The following IQCM variants were observed in gnomAD, a reference collection of about 807,000 sequenced individuals.
The protein encoded by IQCM is IQ domain-containing protein M.
In IQCM, 45 loss-of-function variants were observed where a neutral mutation model predicts 57.6. The ratio of observed to expected loss-of-function variants is 0.78; its 90% CI spans 0.62 to 1.00. The LOEUF (loss-of-function observed/expected upper bound fraction) is 1.00, where lower values mean the gene tolerates loss of function less well. IQCM is among the 50% of genes least tolerant of loss of function. The probability of loss-of-function intolerance (pLI) is 0.00; values close to 1 mark genes in which losing one functional copy is unlikely to be tolerated. For synonymous variants in IQCM, 148 were observed against 158.9 expected, an observed-to-expected ratio of 0.93 and a Z score of 0.51; for missense variants, 468 against 511.6, an observed-to-expected ratio of 0.91 and a Z score of 0.82.
chr4:149,785,677 T>C (rs915166273), intron 2 of IQCM, among the ~76,000 whole-genome samples: 11 of 152,156 alleles, frequency 7.2e-5, no homozygotes, highest in Non-Finnish European at 1.2e-4. Context: ...TCATAATAAT[T>C]TTTCTAACCT....
At chr4:149,524,954 A>C (rs1209797630) in intron 12 of IQCM, among the ~76,000 whole-genome samples, 1 of 151,870 alleles carries the variant, frequency 6.6e-6, no homozygotes, top group Admixed American at 6.6e-5. Flanking sequence ...TACCACTATT[A>C]ATCAAAAAAA....
intron 9 of IQCM, among the ~76,000 whole-genome samples, chr4:149,576,053 T>C (rs914924831): frequency 6.6e-6 from 1 of 151,844 alleles, no homozygotes; most frequent in Admixed American, 6.6e-5. Context: ...CACTACTTAT[T>C]ATAAATTAAG....
At chr4:149,602,427 G>C (rs777039121) in intron 8 of IQCM, among the ~76,000 whole-genome samples, 6 of 152,000 alleles carry the variant, frequency 3.9e-5, no homozygotes, top group Non-Finnish European at 8.8e-5. Flanking sequence ...TTTCTGGTTT[G>C]TTTGCGTTTA....
intron 12 of IQCM, among the ~76,000 whole-genome samples, chr4:149,480,359 A>G (rs1054806609): frequency 6.6e-6 from 1 of 151,810 alleles, no homozygotes; most frequent in African/African-American, 2.4e-5. Context: ...GGTCTTATTT[A>G]TTTTTTCTTT....
intron 2 of IQCM, among the ~76,000 whole-genome samples, chr4:149,785,336 C>A (rs1875750): frequency 0.2 from 30,673 of 151,930 alleles, 3,292 homozygotes; most frequent in African/African-American, 0.27. Flanking sequence ...TAATTTTTAC[C>A]CTAGCTTTAT....
At chr4:149,761,631 C>A (rs947985322) in intron 2 of IQCM, among the ~76,000 whole-genome samples, 3 of 151,950 alleles carry the variant, frequency 2.0e-5, no homozygotes, top group Non-Finnish European at 2.9e-5. Context: ...TGTTATATCC[C>A]CCACTATACT....
intron 12 of IQCM, among the ~76,000 whole-genome samples, chr4:149,463,969 A>G (rs964431497): frequency 1.3e-5 from 2 of 152,224 alleles, no homozygotes; most frequent in African/African-American, 4.8e-5. Context: ...GTTTTGAATC[A>G]TGCTATTTTG....
chr4:149,380,197 G>T (rs1398126744), intron 13 of IQCM, among the ~76,000 whole-genome samples: 1 of 151,906 alleles, frequency 6.6e-6, no homozygotes, highest in Non-Finnish European at 1.5e-5. Flanking sequence ...GGACTAAGAA[G>T]ATCATGCATA....
chr4:149,432,982 T>C (rs938227423), intron 13 of IQCM, among the ~76,000 whole-genome samples: 1 of 152,034 alleles, frequency 6.6e-6, no homozygotes, highest in African/African-American at 2.4e-5. Context: ...CAACTGTTGA[T>C]AGAGCTGTGG....
At chr4:149,728,991 T>C (rs1420045190) in intron 5 of IQCM, among the ~76,000 whole-genome samples, 1 of 152,120 alleles carries the variant, frequency 6.6e-6, no homozygotes, top group Non-Finnish European at 1.5e-5. Context: ...CCAAAGCATA[T>C]AGCATACAGT....
At chr4:149,811,658 G>C (rs1343940958) in intron 2 of IQCM, among the ~76,000 whole-genome samples, 1 of 152,052 alleles carries the variant, frequency 6.6e-6, no homozygotes, top group Non-Finnish European at 1.5e-5. Context: ...CTGCCTTTTG[G>C]ATGACAATAG....
At chr4:149,353,851 G>C (rs1578760419) in intron 13 of IQCM, among the ~76,000 whole-genome samples, 1 of 152,224 alleles carries the variant, frequency 6.6e-6, no homozygotes, top group South Asian at 2.1e-4. Context: ...CAGGTCTAGA[G>C]ACCTAATGCT....
intron 5 of IQCM, among the ~76,000 whole-genome samples, chr4:149,707,458 G>T (rs1388450844): frequency 1.3e-5 from 2 of 151,994 alleles, no homozygotes; most frequent in Non-Finnish European, 1.5e-5. Context: ...TACTGGGTCT[G>T]CCACGAATGT....
chr4:149,365,139 T>C (rs1414505437), intron 13 of IQCM, among the ~76,000 whole-genome samples: 1 of 152,082 alleles, frequency 6.6e-6, no homozygotes, highest in Non-Finnish European at 1.5e-5. Flanking sequence ...CATGATTCCT[T>C]GGATAAATAG....
chr4:149,683,553 G>A (rs1476128515), intron 6 of IQCM, among the ~76,000 whole-genome samples: 2 of 151,244 alleles, frequency 1.3e-5, no homozygotes, highest in Non-Finnish European at 3.0e-5. Context: ...GTTGTATCAA[G>A]AGAAAATAGA....
chr4:149,698,451 A>T (rs751060074), intron 5 of IQCM, among the ~76,000 whole-genome samples: 1 of 152,146 alleles, frequency 6.6e-6, no homozygotes, highest in Non-Finnish European at 1.5e-5. Context: ...GGCAGAGCTG[A>T]ATTAAATGCT....
chr4:149,779,207 C>T (rs1212985404), intron 2 of IQCM, among the ~76,000 whole-genome samples: 1 of 152,168 alleles, frequency 6.6e-6, no homozygotes, highest in Admixed American at 6.5e-5. Flanking sequence ...ACTCTACTAA[C>T]AGGTTTAAAA....
chr4:149,753,939 C>G (rs1055803484), intron 2 of IQCM, among the ~76,000 whole-genome samples: 1 of 151,986 alleles, frequency 6.6e-6, no homozygotes, highest in South Asian at 2.1e-4. Context: ...TAAATCCACA[C>G]CCAGACACTT....
At chr4:149,495,204 A>G (rs1005602676) in intron 12 of IQCM, among the ~76,000 whole-genome samples, 3 of 151,936 alleles carry the variant, frequency 2.0e-5, no homozygotes, top group African/African-American at 4.8e-5. Context: ...TATTCCAGGG[A>G]CTCTCTTATG....
Sources: allele counts gnomAD v4.1 joint callset (sites outside exome capture counted in the v4.1 genomes callset), GRCh38; gene constraint gnomAD v4.1.1; transcripts MANE v1.5; gene names NCBI Gene and HGNC (gene_info 2026-07-23, HGNC 2026-07-21).